The following VWA8 variants were observed in gnomAD, a reference collection of about 807,000 sequenced individuals.
The protein encoded by VWA8 is von Willebrand factor A domain-containing protein 8.
Under a neutral mutation model 241.5 loss-of-function variants are expected in VWA8, and 221 were observed. The observed-to-expected ratio is 0.91, with a 90% CI of 0.82 to 1.02. The LOEUF is 1.02. VWA8 is among the 50% of genes least tolerant of loss of function. The probability of loss-of-function intolerance (pLI) is 0.00; values close to 1 mark genes in which losing one functional copy is unlikely to be tolerated. For synonymous variants in VWA8, 852 were observed against 827.1 expected (o/e 1.03, Z -0.52); for missense variants, 2,322 against 2,328.7 (o/e 1.00, Z 0.06).
chr13:41,777,099 A>G (rs1868630678), intron 20 of VWA8, among the ~76,000 whole-genome samples: 1 of 152,218 alleles, frequency 6.6e-6, no homozygotes, highest in Non-Finnish European at 1.5e-5. Flanking sequence ...TAAAATTTTC[A>G]TACGTTCCTC....
intron 20 of VWA8, among the ~76,000 whole-genome samples, chr13:41,765,873 A>G (rs2045775652): frequency 1.3e-5 from 2 of 152,192 alleles, no homozygotes; most frequent in South Asian, 4.1e-4. Context: ...ATAGGAGAAG[A>G]AACTTGTGGA....
At position 41,885,574 on chromosome 13, in the gene VWA8, G is replaced by C. The variant is rs1322161495; in HGVS notation, c.975+346C>G. ...ACAGAGACTGATGGAAGCTAGAACA[G>C]TGTGAAAGCCCTAGCTCCCCTAACT... On this transcript the variant is annotated intron_variant, in intron 8 of 44. Transcript: ENST00000379310. Among the ~76,000 whole-genome samples the C allele has an allele frequency of 3.9e-5, 6 of 152,352 alleles. No homozygotes were observed. In the East Asian group the frequency reaches 1.2e-3, roughly 29 times the overall value.
intron 12 of VWA8, among the ~76,000 whole-genome samples, chr13:41,861,649 A>T (rs1873012007): frequency 6.6e-6 from 1 of 152,204 alleles, no homozygotes; most frequent in Non-Finnish European, 1.5e-5. Context: ...TGTATACACC[A>T]ATAACATCCA....
intron 43 of VWA8, among the ~76,000 whole-genome samples, chr13:41,574,897 C>G (rs1279968837): frequency 6.6e-6 from 1 of 152,032 alleles, no homozygotes; most frequent in Non-Finnish European, 1.5e-5. Flanking sequence ...TCCAGTAATC[C>G]CATTAATAGG....
chr13:41,668,730 CAAT>C (rs1381464722), intron 37 of VWA8, among the ~76,000 whole-genome samples: 4 of 152,074 alleles, frequency 2.6e-5, no homozygotes, highest in African/African-American at 9.7e-5. Flanking sequence ...AAAATTAAAA[CAAT>C]GATAGATTAT....
chr13:41,865,635 T>TA (rs1400704035), intron 12 of VWA8, 101 bp downstream of exon 12: 3 of 1,326,170 alleles, frequency 2.3e-6, no homozygotes, highest in Non-Finnish European at 3.1e-6. Context: ...TTTACCTATA[T>TA]AAAAAAACAC....
chr13:41,935,020 T>G (rs1362051504), intron 2 of VWA8, among the ~76,000 whole-genome samples: 1 of 152,130 alleles, frequency 6.6e-6, no homozygotes, highest in Non-Finnish European at 1.5e-5. Flanking sequence ...TTTTCCAAGT[T>G]TTTATGTTGA....
intron 20 of VWA8, among the ~76,000 whole-genome samples, chr13:41,771,539 T>G (rs1394368420): frequency 6.6e-6 from 1 of 152,234 alleles, no homozygotes; most frequent in Non-Finnish European, 1.5e-5. Flanking sequence ...ACATGTATTC[T>G]TACACAAAAA....
chr13:41,819,123 C>A lies in VWA8; in HGVS notation c.1869+95G>T, dbSNP rs1870832002. 6 of 1,344,282 alleles carry A rather than the reference C, an allele frequency of 4.5e-6. No individual in the cohort carries two copies. In the South Asian group the frequency reaches 9.5e-5, roughly 21 times the overall value. 83.3% of individuals were successfully genotyped at this position (1,344,282 alleles called of 1,614,324 possible). On this transcript the variant is annotated intron_variant, in intron 15 of 44. Coordinates refer to ENST00000379310, the MANE Select transcript of VWA8 (RefSeq NM_015058.2). ...TTTGGGAGTAAATGGGAAGAAAAAA[C>A]TAAAAATGTCTAACTCTACTTTGGC... is the stretch of plus-strand genomic sequence containing the variant.
intron 37 of VWA8, among the ~76,000 whole-genome samples, chr13:41,615,300 T>C (rs2044614150): frequency 6.6e-6 from 1 of 152,160 alleles, no homozygotes; most frequent in African/African-American, 2.4e-5. Context: ...TAAAAAACTC[T>C]TAAAGAAAAG....
At chr13:41,891,201 CA>C (rs11422492) in intron 5 of VWA8, among the ~76,000 whole-genome samples, 115 of 136,350 alleles carry the variant, frequency 8.4e-4, no homozygotes, top group Non-Finnish European at 9.1e-4. Context: ...TTAGACTGAC[CA>C]AAAAAAAAAA....
chr13:41,945,193 AAT>A (rs1476192277), intron 2 of VWA8, among the ~76,000 whole-genome samples: 1 of 152,196 alleles, frequency 6.6e-6, no homozygotes, highest in Non-Finnish European at 1.5e-5. Flanking sequence ...GCATTAAAGA[AAT>A]CTCCGTTCAA....
intron 9 of VWA8, among the ~76,000 whole-genome samples, chr13:41,876,813 A>G (rs548595017): frequency 4.0e-5 from 6 of 149,654 alleles, no homozygotes; most frequent in Non-Finnish European, 8.9e-5. Flanking sequence ...GTTGTTCCCA[A>G]TGCTCTCTAA....
chr13:41,794,437 C>A (rs1869597037), intron 17 of VWA8, among the ~76,000 whole-genome samples: 1 of 152,014 alleles, frequency 6.6e-6, no homozygotes, highest in South Asian at 2.1e-4. Context: ...TCACTGCATG[C>A]CTGTTGTTGG....
At chr13:41,653,877 C>T (rs1337640299) in intron 37 of VWA8, among the ~76,000 whole-genome samples, 1 of 152,114 alleles carries the variant, frequency 6.6e-6, no homozygotes, top group African/African-American at 2.4e-5. Context: ...TGAAACTGGA[C>T]CTCTTCCTTT....
In VWA8 at chr13:41,727,322, C is replaced by T; in HGVS notation, c.2639-9G>A. 6.9e-7 allele frequency: 1 copy of T among 1,459,034 alleles called. No individual in the cohort carries two copies. The highest frequency in any genetic ancestry group is 1.5e-5 in the African/African-American group (1 of 68,962). 90.4% of individuals were successfully genotyped at this position (1,459,034 alleles called of 1,614,324 possible). A position where few individuals can be genotyped will look rare whatever the true frequency, so the allele number is the denominator to read the frequency against. ...ATTCACATTAGCAGAATCTGAAAAA[C>T]AAAATTTGTTTATTCTTTATCAATA... On this transcript the variant is annotated splice_polypyrimidine_tract_variant and intron_variant, in intron 23 of 44. Transcript: ENST00000379310.
intron 2 of VWA8, among the ~76,000 whole-genome samples, chr13:41,918,078 CT>C (rs1566038768): frequency 3.3e-5 from 5 of 152,092 alleles, no homozygotes; most frequent in African/African-American, 1.2e-4. Flanking sequence ...CACGAACTAA[CT>C]GAACTAAAAA....
chr13:41,901,865 C>CAAAAAAAAAAA (rs1167305999), intron 4 of VWA8, among the ~76,000 whole-genome samples: 1 of 24,678 alleles, frequency 4.1e-5, no homozygotes, highest in Non-Finnish European at 6.9e-5. Context: ...GACTCCATCT[C>CAAAAAAAAAAA]AAAAAAAAAA....
chr13:41,738,011 C>T (rs2045538764), intron 21 of VWA8, among the ~76,000 whole-genome samples: 1 of 152,128 alleles, frequency 6.6e-6, no homozygotes, highest in South Asian at 2.1e-4. Context: ...CAACATTACT[C>T]ATCTCTACAG....
Sources: allele counts gnomAD v4.1 joint callset (sites outside exome capture counted in the v4.1 genomes callset), GRCh38; gene constraint gnomAD v4.1.1; transcripts MANE v1.5; gene names NCBI Gene and HGNC (gene_info 2026-07-23, HGNC 2026-07-21).